AGMO: variants seen among roughly 807,000 people sequenced by gnomAD.
AGMO encodes glyceryl-ether monooxygenase.
A neutral mutation model predicts 60.2 loss-of-function variants in AGMO; 75 were observed. That is an observed-to-expected ratio of 1.25 (90% CI 1.03 to 1.51). The LOEUF (loss-of-function observed/expected upper bound fraction) is 1.51. Among genes scored for constraint, AGMO ranks in the 40% most tolerant of loss-of-function variants. AGMO has a pLI of 0.00. For missense variants in AGMO, 763 were observed against 525.5 expected, an observed-to-expected ratio of 1.45 and a Z score of -4.42; for synonymous variants, 261 against 177.1, an observed-to-expected ratio of 1.47 and a Z score of -3.76.
At chr7:15,191,333 T>G in the AGMO span, among the ~76,000 whole-genome samples, 5 of 152,078 alleles carry the variant, frequency 3.3e-5, no homozygotes, top group Non-Finnish European at 7.4e-5. Context: ...GAACAGGGAT[T>G]CTTATATTTT....
At chr7:15,180,040 G>A in the AGMO span, among the ~76,000 whole-genome samples, 1 of 152,164 alleles carries the variant, frequency 6.6e-6, no homozygotes, top group African/African-American at 2.4e-5. Context: ...CTCTGGGTTT[G>A]TGATGGGAGG....
the AGMO span, among the ~76,000 whole-genome samples, chr7:15,168,912 T>A: frequency 2.0e-5 from 3 of 152,236 alleles, no homozygotes; most frequent in African/African-American, 4.8e-5. Flanking sequence ...GCTCTATGGA[T>A]AAACACAGTT....
chr7:15,518,875 T>C (rs533203834), intron 3 of AGMO, among the ~76,000 whole-genome samples: 2 of 151,762 alleles, frequency 1.3e-5, no homozygotes, highest in East Asian at 3.9e-4. Flanking sequence ...TCCTCCAAGC[T>C]AAAGGAGCAT....
intron 12 of AGMO, among the ~76,000 whole-genome samples, chr7:15,202,128 A>G (rs1425875075): frequency 6.6e-6 from 1 of 152,026 alleles, no homozygotes; most frequent in Non-Finnish European, 1.5e-5. Context: ...TGCCAAAACA[A>G]CCAGAGTTAT....
In AGMO at chr7:15,492,376, A is replaced by C. The variant is rs941836874; in HGVS notation, c.409+52396T>G. 1.1e-3 allele frequency among the ~76,000 whole-genome samples: 153 copies of C among 144,128 alleles called. 2 individuals are homozygous for C. Among genetic ancestry groups the C allele is most frequent in the Admixed American group, 6.4e-4 (9 of 14,110 alleles). 94.6% of individuals were successfully genotyped at this position (144,128 alleles called of 152,430 possible). ...CCAATACGAAAAAAAAAAAAAAAAA[A>C]CATTAATAATAAATTCAATCATTAG... On this transcript the variant is annotated intron_variant, in intron 3 of 12. Coordinates refer to ENST00000342526, the MANE Select transcript of AGMO (RefSeq NM_001004320.2).
At chr7:15,533,681 C>G (rs6944542) in intron 3 of AGMO, among the ~76,000 whole-genome samples, 1 of 151,962 alleles carries the variant, frequency 6.6e-6, no homozygotes. Context: ...CCACTATATT[C>G]CTATATTTCT....
At chr7:15,194,906 A>C in the AGMO span, among the ~76,000 whole-genome samples, 1 of 152,162 alleles carries the variant, frequency 6.6e-6, no homozygotes, top group Non-Finnish European at 1.5e-5. Flanking sequence ...TCATTTTACC[A>C]GCAAGTTAAA....
intron 12 of AGMO, among the ~76,000 whole-genome samples, chr7:15,308,297 A>T (rs1780673191): frequency 6.6e-6 from 1 of 151,920 alleles, no homozygotes; most frequent in Non-Finnish European, 1.5e-5. Flanking sequence ...AAATTTGCAT[A>T]TTTTTTCCTA....
chr7:15,407,902 T>G (rs1583520161), intron 5 of AGMO, among the ~76,000 whole-genome samples: 1 of 151,862 alleles, frequency 6.6e-6, no homozygotes, highest in East Asian at 1.9e-4. Context: ...GTGCAGAAAC[T>G]AATGTGTTAT....
At chr7:15,182,494 C>A in the AGMO span, among the ~76,000 whole-genome samples, 1 of 152,168 alleles carries the variant, frequency 6.6e-6, no homozygotes, top group Non-Finnish European at 1.5e-5. Flanking sequence ...CAGCTCATTG[C>A]AACCTCTGCC....
intron 12 of AGMO, among the ~76,000 whole-genome samples, chr7:15,322,921 T>C (rs1229324572): frequency 6.1e-5 from 9 of 147,774 alleles, no homozygotes; most frequent in Non-Finnish European, 1.3e-4. Flanking sequence ...TACACATATA[T>C]GTGTTTACAT....
chr7:15,555,006 T>C (rs1785086032), intron 2 of AGMO, among the ~76,000 whole-genome samples: 1 of 151,872 alleles, frequency 6.6e-6, no homozygotes, highest in Non-Finnish European at 1.5e-5. Flanking sequence ...ATACTGTCGT[T>C]GAAAACTCCT....
chr7:15,455,024 C>G (rs1781961620), intron 3 of AGMO, among the ~76,000 whole-genome samples: 2 of 151,462 alleles, frequency 1.3e-5, no homozygotes, highest in South Asian at 4.2e-4. Flanking sequence ...ACAACCTGTG[C>G]TACGGTAGAT....
At chr7:15,231,303 T>C (rs564148230) in intron 12 of AGMO, among the ~76,000 whole-genome samples, 1 of 152,264 alleles carries the variant, frequency 6.6e-6, no homozygotes, top group South Asian at 2.1e-4. Context: ...TGTTTGACAA[T>C]CAAAACTTAT....
chr7:15,347,449 T>G (rs1473527065), intron 12 of AGMO, among the ~76,000 whole-genome samples: 1 of 152,026 alleles, frequency 6.6e-6, no homozygotes, highest in Non-Finnish European at 1.5e-5. Flanking sequence ...TGATAGAAAG[T>G]TAGTTATTTA....
At chr7:15,383,602 G>T (rs564705795) in intron 10 of AGMO, among the ~76,000 whole-genome samples, 1 of 151,586 alleles carries the variant, frequency 6.6e-6, no homozygotes, top group Non-Finnish European at 1.5e-5. Context: ...AATTCCATAG[G>T]TCTTATATTG....
At chr7:15,326,675 A>G (rs1050843322) in intron 12 of AGMO, among the ~76,000 whole-genome samples, 12 of 152,206 alleles carry the variant, frequency 7.9e-5, no homozygotes, top group Non-Finnish European at 7.3e-5. Context: ...TTCTCTCCCC[A>G]TGGCAGAATT....
At chr7:15,228,275 T>C (rs1782149975) in intron 12 of AGMO, among the ~76,000 whole-genome samples, 1 of 152,068 alleles carries the variant, frequency 6.6e-6, no homozygotes, top group Non-Finnish European at 1.5e-5. Flanking sequence ...TGACACGTGG[T>C]CAAAACCTGA....
At chr7:15,247,209 C>A (rs1782766864) in intron 12 of AGMO, among the ~76,000 whole-genome samples, 1 of 151,536 alleles carries the variant, frequency 6.6e-6, no homozygotes, top group Admixed American at 6.6e-5. Context: ...AGATGTTTAT[C>A]AATACTAATA....
Sources: gnomAD v4.1 joint callset for allele counts (sites outside exome capture counted in the v4.1 genomes callset) on GRCh38, gnomAD v4.1.1 for gene constraint, MANE v1.5 for transcripts, NCBI Gene and HGNC (gene_info 2026-07-23, HGNC 2026-07-21) for gene names.